Variants in DACH1 observed in about 807,000 individuals in gnomAD.
The protein encoded by DACH1 is dachshund homolog 1.
Under a neutral mutation model 54.2 loss-of-function variants are expected in DACH1, and 12 were observed. The ratio of observed to expected loss-of-function variants is 0.22; its 90% CI spans 0.14 to 0.36. The LOEUF (loss-of-function observed/expected upper bound fraction) is 0.36. DACH1 is among the 10% of genes least tolerant of loss of function. DACH1 has a pLI of 1.00. For synonymous variants in DACH1, 386 were observed against 366.2 expected, an observed-to-expected ratio of 1.05 and a Z score of -0.62; for missense variants, 805 against 929.8, an observed-to-expected ratio of 0.87 and a Z score of 1.75.
Position 71,630,655 on chromosome 13 carries a change from T to C in DACH1, c.1027A>G (p.Lys343Glu), listed in dbSNP as rs1451990997. The C allele has an allele frequency of 1.2e-6, 2 of 1,612,222 alleles. No homozygotes were observed. The highest frequency in any genetic ancestry group is 8.5e-7 in the Non-Finnish European group (1 of 1,179,414). The change falls in exon 3 of 11, where the codon AAG (lysine) becomes GAG (glutamate). Residue 343 changes from lysine to glutamate, a missense_variant. Lys to Glu is a moderately conservative substitution (Grantham distance 56). Coordinates refer to ENST00000613252, the MANE Select transcript of DACH1 (RefSeq NM_080759.6). ...GCTTCTAATTTGATTTTTTTCACCT[T>C]CATTGCTTCAGCAATAGCTGCATTG... is the stretch of plus-strand genomic sequence containing the variant. ...ATNAAIAEAMKVKKIKLEAMS... is the reference protein window; with the variant it reads ...ATNAAIAEAMEVKKIKLEAMS...
chr13:71,693,873 T>C (rs931007992), intron 1 of DACH1, among the ~76,000 whole-genome samples: 17 of 152,158 alleles, frequency 1.1e-4, no homozygotes, highest in Admixed American at 1.1e-3. Context: ...ACTATCACAC[T>C]TGCAAGCAAC....
chr13:71,764,505 G>T (rs974777605), intron 1 of DACH1, among the ~76,000 whole-genome samples: 65 of 152,028 alleles, frequency 4.3e-4, no homozygotes, highest in East Asian at 5.8e-4. Flanking sequence ...ATTCAATAAA[G>T]GCACAAAGAA....
chr13:71,772,538 T>G (rs962430655), intron 1 of DACH1, among the ~76,000 whole-genome samples: 2 of 151,768 alleles, frequency 1.3e-5, no homozygotes, highest in African/African-American at 4.8e-5. Context: ...TTAGCATCAC[T>G]TTAATCTCCT....
intron 2 of DACH1, among the ~76,000 whole-genome samples, chr13:71,679,723 G>A (rs752037472): frequency 5.9e-5 from 9 of 152,052 alleles, no homozygotes; most frequent in South Asian, 2.1e-4. Flanking sequence ...AGTGGCTCAC[G>A]CCTATAATCC....
chr13:71,648,679 GT>G (rs1280844728), intron 2 of DACH1, among the ~76,000 whole-genome samples: 5 of 152,092 alleles, frequency 3.3e-5, no homozygotes, highest in Admixed American at 6.6e-5. Flanking sequence ...GATCTCAACT[GT>G]TTTTACCACA....
intron 1 of DACH1, among the ~76,000 whole-genome samples, chr13:71,865,201 C>T (rs1394989401): frequency 6.6e-6 from 1 of 152,174 alleles, no homozygotes; most frequent in Non-Finnish European, 1.5e-5. Context: ...GACACACGCA[C>T]ACATGCGCGA....
At chr13:71,827,713 A>G (rs989844181) in intron 1 of DACH1, among the ~76,000 whole-genome samples, 1 of 152,108 alleles carries the variant, frequency 6.6e-6, no homozygotes, top group Non-Finnish European at 1.5e-5. Flanking sequence ...TATGTCACTA[A>G]TAATAAAACT....
At chr13:71,490,816 T>C (rs1361057206) in intron 6 of DACH1, among the ~76,000 whole-genome samples, 4 of 152,198 alleles carry the variant, frequency 2.6e-5, no homozygotes, top group African/African-American at 4.8e-5. Flanking sequence ...TGTTTAAGAA[T>C]GGAGAGCAAT....
chr13:71,775,129 T>C (rs1886012099), intron 1 of DACH1, among the ~76,000 whole-genome samples: 1 of 81,866 alleles, frequency 1.2e-5, no homozygotes, highest in Admixed American at 1.6e-4. Flanking sequence ...AACACAAGCT[T>C]TTTTTTTTTT....
chr13:71,675,292 C>G (rs1326983007), intron 2 of DACH1: 37 of 1,603,384 alleles, frequency 2.3e-5, no homozygotes, highest in Non-Finnish European at 3.1e-5. Flanking sequence ...AGAAATTGCT[C>G]AGTACTTTAA....
intron 1 of DACH1, among the ~76,000 whole-genome samples, chr13:71,834,232 G>C (rs554197210): frequency 6.6e-6 from 1 of 151,952 alleles, no homozygotes; most frequent in Non-Finnish European, 1.5e-5. Context: ...ACACATTTGT[G>C]CCATGTTTTT....
At chr13:71,619,803 A>G (rs930648763) in intron 3 of DACH1, among the ~76,000 whole-genome samples, 2 of 151,958 alleles carry the variant, frequency 1.3e-5, no homozygotes, top group Non-Finnish European at 2.9e-5. Context: ...ATTATCAAGT[A>G]AGGATTCTAA....
chr13:71,589,642 A>G (rs1311784318), intron 3 of DACH1, among the ~76,000 whole-genome samples: 4 of 151,970 alleles, frequency 2.6e-5, no homozygotes, highest in Non-Finnish European at 5.9e-5. Context: ...ATATAGCTTT[A>G]AATTCATTGA....
intron 1 of DACH1, among the ~76,000 whole-genome samples, chr13:71,837,468 G>A (rs1006803223): frequency 6.6e-6 from 1 of 151,992 alleles, no homozygotes; most frequent in Non-Finnish European, 1.5e-5. Flanking sequence ...CTGGAAACTT[G>A]GGTAACTGTT....
In DACH1 at chr13:71,438,414, T is replaced by TACAG. The variant is rs1873701146; in HGVS notation, c.*2237_*2240dup. 1 of 152,538 alleles carries TACAG rather than the reference T, an allele frequency of 6.6e-6. No homozygotes were observed. The highest frequency in any genetic ancestry group is 2.1e-4 in the South Asian group (1 of 4,822). 9.4% of individuals were successfully genotyped at this position (152,538 alleles called of 1,614,324 possible). The stretch of plus-strand genomic sequence containing the variant: ...AACTAAAACAGGGAAAAAATTAAGT[T>TACAG]ACAGACTTACAATAACATTTCATGA... On this transcript the variant is annotated 3_prime_UTR_variant, in exon 11 of 11. Coordinates refer to ENST00000613252, the MANE Select transcript of DACH1 (RefSeq NM_080759.6).
At chr13:71,470,441 C>T (rs1876974742) in intron 10 of DACH1, among the ~76,000 whole-genome samples, 2 of 151,958 alleles carry the variant, frequency 1.3e-5, no homozygotes, top group Non-Finnish European at 2.9e-5. Flanking sequence ...GATTCTCCTG[C>T]CTCAGCCTCC....
intron 1 of DACH1, among the ~76,000 whole-genome samples, chr13:71,833,820 G>T (rs1317499170): frequency 6.6e-6 from 1 of 151,970 alleles, no homozygotes; most frequent in Non-Finnish European, 1.5e-5. Context: ...ACAATAAATT[G>T]TAATCCCTAG....
At chr13:71,865,825 G>A in intron 1 of DACH1, 97 bp downstream of exon 1, 4 of 1,330,516 alleles carry the variant, frequency 3.0e-6, no homozygotes, top group Non-Finnish European at 3.8e-6. Flanking sequence ...GCGGCTCGCG[G>A]GCGCGCAGAG....
At chr13:71,864,484 T>C (rs1874582201) in intron 1 of DACH1, among the ~76,000 whole-genome samples, 1 of 152,182 alleles carries the variant, frequency 6.6e-6, no homozygotes, top group Non-Finnish European at 1.5e-5. Flanking sequence ...TTTCCCTATC[T>C]CTGCGGGAGC....
Sources: gnomAD v4.1 joint callset for allele counts (sites outside exome capture counted in the v4.1 genomes callset) on GRCh38, gnomAD v4.1.1 for gene constraint, MANE v1.5 for transcripts, NCBI Gene and HGNC (gene_info 2026-07-23, HGNC 2026-07-21) for gene names.